The following DYRK1A variants were observed in gnomAD, a reference collection of about 807,000 sequenced individuals.
The protein encoded by DYRK1A is dual specificity tyrosine-phosphorylation-regulated kinase 1A.
A neutral mutation model predicts 79.7 loss-of-function variants in DYRK1A; 9 were observed. The ratio of observed to expected loss-of-function variants is 0.11; its 90% CI spans 0.07 to 0.20. The LOEUF (loss-of-function observed/expected upper bound fraction) is 0.20. Ranked by LOEUF, DYRK1A falls within the 10% of genes least tolerant of loss-of-function variation. The pLI, the probability that DYRK1A is intolerant of heterozygous loss-of-function variation, is 1.00. For synonymous variants in DYRK1A, 349 were observed against 329.7 expected, an observed-to-expected ratio of 1.06 and a Z score of -0.63; for missense variants, 622 against 956.0, an observed-to-expected ratio of 0.65 and a Z score of 4.61.
rs1459549692 is a variant in DYRK1A, at chr21:37,505,334, A to G, written c.1264A>G (p.Thr422Ala). 3 of 1,614,158 alleles carry G rather than the reference A, an allele frequency of 1.9e-6. No homozygotes were observed. The Admixed American group carries it at 5.0e-5, about 27-fold the overall frequency. Residue 422 changes from threonine to alanine, a missense_variant, in exon 10 of 12, where the codon ACA (threonine) becomes GCA (alanine). Physicochemically the swap from Thr to Ala is moderately conservative, Grantham distance 58. This residue lies in a region of DYRK1A where 80 missense variants were observed against 116.5 expected (regional missense o/e 0.69). Coordinates refer to ENST00000647188, the MANE Select transcript of DYRK1A (RefSeq NM_001347721.2). Reference sequence around the variant, plus strand: ...ACTTCATAACATTCTTGGAGTGGAAACAGGAGGACCTGGTGGGCGACGTGC... The same window carrying G: ...ACTTCATAACATTCTTGGAGTGGAAGCAGGAGGACCTGGTGGGCGACGTGC... ...RKLHNILGVE[T>A]GGPGGRRAGE... is the part of the protein sequence containing the mutation.
chr21:37,437,301 A>T (rs2050952353), intron 2 of DYRK1A, among the ~76,000 whole-genome samples: 1 of 152,186 alleles, frequency 6.6e-6, no homozygotes, highest in African/African-American at 2.4e-5. Context: ...TTTGATTTTT[A>T]AAATATGAAA....
In DYRK1A at chr21:37,488,299, G is replaced by A. The variant is rs1035166949; in HGVS notation, c.637+1685G>A. On this transcript the variant is annotated intron_variant, in intron 6 of 11. Transcript: ENST00000647188. ...CTGAGATTCTGTTTGGAAAACAAAA[G>A]AACTTTAGATTAGACAAGTTCATAT... 3 of 958,552 alleles carry A rather than the reference G, an allele frequency of 3.1e-6. No homozygotes were observed. The African/African-American group carries it at 5.3e-5, about 17-fold the overall frequency. 59.4% of individuals were successfully genotyped at this position (958,552 alleles called of 1,614,324 possible).
intron 1 of DYRK1A, among the ~76,000 whole-genome samples, chr21:37,398,969 C>T (rs2050007975): frequency 6.8e-6 from 1 of 148,122 alleles, no homozygotes; most frequent in African/African-American, 2.5e-5. Flanking sequence ...ACTCTTCTTT[C>T]TACCCTGGTG....
At chr21:37,421,926 G>A (rs2148430097) in intron 2 of DYRK1A, 1 of 152,148 alleles carries the variant, frequency 6.6e-6, no homozygotes, top group Admixed American at 6.5e-5. Flanking sequence ...GAATATTACT[G>A]ATTTTGGAGA....
intron 1 of DYRK1A, among the ~76,000 whole-genome samples, chr21:37,399,362 T>C (rs1372641010): frequency 6.6e-6 from 1 of 152,110 alleles, no homozygotes; most frequent in Non-Finnish European, 1.5e-5. Context: ...CATTATGAAA[T>C]TGGGGATAGA....
intron 2 of DYRK1A, among the ~76,000 whole-genome samples, chr21:37,423,859 A>C (rs148509914): frequency 0.01 from 1,537 of 152,236 alleles, 23 homozygotes; most frequent in African/African-American, 0.034. Flanking sequence ...ATTCTTATGC[A>C]TACACTATAT....
intron 1 of DYRK1A, among the ~76,000 whole-genome samples, chr21:37,415,005 TCTCCC>T (rs2050310823): frequency 6.6e-6 from 1 of 152,176 alleles, no homozygotes; most frequent in South Asian, 2.1e-4. Context: ...AACTTCTGTT[TCTCCC>T]CTTCAGTTTT....
chr21:37,432,727 C>T (rs1222442630), intron 2 of DYRK1A, among the ~76,000 whole-genome samples: 1 of 152,010 alleles, frequency 6.6e-6, no homozygotes, highest in Non-Finnish European at 1.5e-5. Context: ...GAGGCTGTTT[C>T]CGTGTCTCAA....
chr21:37,407,563 T>G (rs2050171063), intron 1 of DYRK1A, among the ~76,000 whole-genome samples: 1 of 152,204 alleles, frequency 6.6e-6, no homozygotes, highest in African/African-American at 2.4e-5. Context: ...TACTCATAAG[T>G]AAGGCATATA....
At chr21:37,476,824 C>CA (rs752897640) in intron 3 of DYRK1A, among the ~76,000 whole-genome samples, 4 of 145,836 alleles carry the variant, frequency 2.7e-5, no homozygotes, top group African/African-American at 1.0e-4. Context: ...GGGTTCCCCC[C>CA]CCCCCCAACC....
At chr21:37,372,072 A>G (rs957119151) in intron 1 of DYRK1A, among the ~76,000 whole-genome samples, 3 of 152,040 alleles carry the variant, frequency 2.0e-5, no homozygotes, top group Non-Finnish European at 4.4e-5. Flanking sequence ...GTTTTTCACA[A>G]AAGCTTTTGC....
In DYRK1A at chr21:37,519,380, T is replaced by C. The variant is rs982725827; in HGVS notation, c.*6849T>C. On this transcript the variant is annotated 3_prime_UTR_variant, in exon 12 of 12. Coordinates refer to ENST00000647188, the MANE Select transcript of DYRK1A (RefSeq NM_001347721.2). ...AACTTGCGCAAGGATTACTGTCCGC[T>C]TTGTACAATGGAGATACCTATAGTG... The C allele has an allele frequency of 5.3e-5, 8 of 152,266 alleles. No homozygotes were observed. Among genetic ancestry groups the C allele is most frequent in the African/African-American group, 1.9e-4 (8 of 41,452 alleles). The allele number at this position is 152,266 out of a possible 1,614,324, so 9.4% of individuals were successfully genotyped here. A position where few individuals can be genotyped will look rare whatever the true frequency, so the allele number is the denominator to read the frequency against.
At chr21:37,420,660 G>A (rs2050450175) in intron 2 of DYRK1A, among the ~76,000 whole-genome samples, 1 of 152,068 alleles carries the variant, frequency 6.6e-6, no homozygotes, top group African/African-American at 2.4e-5. Flanking sequence ...GAATAATTCT[G>A]TTAATGTAAA....
chr21:37,490,564 A>ATTGCAGTTGCTGTTT (rs1569377065), intron 7 of DYRK1A, 103 bp downstream of exon 7: 2 of 724,010 alleles, frequency 2.8e-6, no homozygotes, highest in Non-Finnish European at 1.8e-6. Context: ...GGTTTTCGCC[A>ATTGCAGTTGCTGTTT]TTGCAGTTGC....
chr21:37,522,622 A>G lies in DYRK1A; in HGVS notation c.*10091A>G, dbSNP rs993628357. 18 of 152,170 alleles carry G rather than the reference A, an allele frequency of 1.2e-4. No homozygotes were observed. Among genetic ancestry groups the G allele is most frequent in the African/African-American group, 3.4e-4 (14 of 41,440 alleles). The allele number at this position is 152,170 out of a possible 1,614,324, so 9.4% of individuals were successfully genotyped here. On this transcript the variant is annotated 3_prime_UTR_variant, in exon 12 of 12. Coordinates refer to ENST00000647188, the MANE Select transcript of DYRK1A (RefSeq NM_001347721.2). ...TGCCTGTATTGTCCTAATGAACCAC[A>G]CTGGTGCCTACAAAATTTTTATTTT...
At chr21:37,417,757 G>T (rs1326245269) in intron 1 of DYRK1A, among the ~76,000 whole-genome samples, 2 of 151,624 alleles carry the variant, frequency 1.3e-5, no homozygotes, top group East Asian at 1.9e-4. Flanking sequence ...TAAAAAAAAT[G>T]GTTTGTAAGT....
In DYRK1A at chr21:37,514,778, G is replaced by A. The variant is rs1167277662; in HGVS notation, c.*2247G>A. 4 of 152,540 alleles carry A rather than the reference G, an allele frequency of 2.6e-5. No individual in the cohort carries two copies. The highest frequency in any genetic ancestry group is 5.9e-5 in the Non-Finnish European group (4 of 68,018). The allele number at this position is 152,540 out of a possible 1,614,324, so 9.4% of individuals were successfully genotyped here. A position where few individuals can be genotyped will look rare whatever the true frequency, so the allele number is the denominator to read the frequency against. ...ATCTTGAGTATAGCAATATCAAAAG[G>A]AATTCAGTAGTTACTGCTGTTTAGG... On this transcript the variant is annotated 3_prime_UTR_variant, in exon 12 of 12. Coordinates refer to ENST00000647188, the MANE Select transcript of DYRK1A (RefSeq NM_001347721.2).
chr21:37,469,470 A>G (rs552981947), intron 2 of DYRK1A, among the ~76,000 whole-genome samples: 1 of 152,348 alleles, frequency 6.6e-6, no homozygotes, highest in Admixed American at 6.5e-5. Flanking sequence ...ATTAGTTTGT[A>G]CTTGCCCTGC....
intron 1 of DYRK1A, among the ~76,000 whole-genome samples, chr21:37,386,582 A>G (rs774147871): frequency 6.6e-6 from 1 of 152,080 alleles, no homozygotes; most frequent in Non-Finnish European, 1.5e-5. Context: ...TGCTTCTTCA[A>G]TTTACCTGTC....
Sources: gnomAD v4.1 joint callset for allele counts (sites outside exome capture counted in the v4.1 genomes callset) on GRCh38, gnomAD v4.1.1 for gene constraint, gnomAD v4.1.1 regional missense constraint, MANE v1.5 for transcripts, NCBI Gene and HGNC (gene_info 2026-07-23, HGNC 2026-07-21) for gene names.